Variants in ZFR observed in about 807,000 individuals in gnomAD.
ZFR encodes the protein zinc finger RNA-binding protein.
ZFR carries 19 observed loss-of-function variants against 130.7 expected under a neutral mutation model. That is an observed-to-expected ratio of 0.15 (90% CI 0.10 to 0.21). The LOEUF is 0.21. Ranked by LOEUF, ZFR falls within the 10% of genes least tolerant of loss-of-function variation. The pLI is 1.00. For synonymous variants in ZFR, 466 were observed against 456.9 expected, an observed-to-expected ratio of 1.02 and a Z score of -0.25; for missense variants, 872 against 1,321.5, an observed-to-expected ratio of 0.66 and a Z score of 5.27.
chr5:32,422,692 C>T (rs180693529), intron 2 of ZFR, among the ~76,000 whole-genome samples: 1 of 145,392 alleles, frequency 6.9e-6, no homozygotes, highest in East Asian at 2.1e-4. Context: ...CCCAGCTAGT[C>T]AGGAGGCTGA....
Position 32,388,498 on chromosome 5 carries a change from T to G in ZFR, c.2319A>C (p.Gly773=), listed in dbSNP as rs769755316. Residue 773 remains glycine (G), a synonymous_variant, in exon 13 of 20, where the codon GGA becomes GGC. Coordinates refer to ENST00000265069, the MANE Select transcript of ZFR (RefSeq NM_016107.5). The part of the protein sequence containing the change: ...SEHEKNKNKE[G]DDKKEGGKDR... ...CTTTACCTCCCTCTTTCTTATCATC[T>G]CCCTCTTTGTTCTTGTTCTTCTCAT... The G allele has an allele frequency of 8.1e-6, 13 of 1,613,842 alleles. No homozygotes were observed. In the Admixed American group the frequency reaches 2.2e-4, roughly 27 times the overall value.
At chr5:32,372,602 G>C (rs1189929357) in intron 17 of ZFR, among the ~76,000 whole-genome samples, 1 of 152,028 alleles carries the variant, frequency 6.6e-6, no homozygotes, top group Non-Finnish European at 1.5e-5. Context: ...GGAGGCCGAG[G>C]GGAGCAGATC....
intron 15 of ZFR, among the ~76,000 whole-genome samples, chr5:32,383,436 G>A (rs939073370): frequency 4.6e-5 from 7 of 152,256 alleles, no homozygotes; most frequent in African/African-American, 1.7e-4. Context: ...AGAGCATTCT[G>A]AACATTTCAA....
chr5:32,416,684 C>T lies in ZFR; in HGVS notation c.565+964G>A, dbSNP rs528998121. Reference sequence around the variant, plus strand: ...CACTATAATTCAAAACATGTTAAAACCACTTTTAAGGGACTCATAAAATCT... The same window carrying T: ...CACTATAATTCAAAACATGTTAAAATCACTTTTAAGGGACTCATAAAATCT... On this transcript the variant is annotated intron_variant, in intron 4 of 19. Coordinates refer to ENST00000265069, the MANE Select transcript of ZFR (RefSeq NM_016107.5). 4.0e-5 allele frequency among the ~76,000 whole-genome samples: 6 copies of T among 150,760 alleles called. No homozygotes were observed. The South Asian group carries it at 1.3e-3, about 32-fold the overall frequency.
chr5:32,356,481 T>C (rs1310676763), intron 19 of ZFR, among the ~76,000 whole-genome samples: 1 of 151,600 alleles, frequency 6.6e-6, no homozygotes, highest in Non-Finnish European at 1.5e-5. Context: ...GGTGCGAGCT[T>C]GGCTCACTGC....
At chr5:32,381,488 T>C (rs1752936336) in intron 15 of ZFR, among the ~76,000 whole-genome samples, 1 of 152,080 alleles carries the variant, frequency 6.6e-6, no homozygotes, top group African/African-American at 2.4e-5. Context: ...ATGGGGCATT[T>C]AGAATACAGT....
At chr5:32,369,923 C>T (rs1016443176) in intron 17 of ZFR, among the ~76,000 whole-genome samples, 1 of 152,082 alleles carries the variant, frequency 6.6e-6, no homozygotes, top group African/African-American at 2.4e-5. Context: ...AACCCCCTTA[C>T]CCATTAAGCA....
At chr5:32,382,199 T>G (rs950143714) in intron 15 of ZFR, among the ~76,000 whole-genome samples, 2 of 152,004 alleles carry the variant, frequency 1.3e-5, no homozygotes, top group Non-Finnish European at 2.9e-5. Flanking sequence ...GCTCCTCAGC[T>G]ACTTGGGAGG....
Position 32,444,732 on chromosome 5 carries a change from G to T in ZFR, c.-74C>A. The T allele has an allele frequency of 1.3e-6, 2 of 1,485,266 alleles. No individual in the cohort carries two copies. The highest frequency in any genetic ancestry group is 1.8e-6 in the Non-Finnish European group (2 of 1,117,936). 92.0% of individuals were successfully genotyped at this position (1,485,266 alleles called of 1,614,324 possible). ...CTCCTCTGCCCCGCTCCTCCTCAGC[G>T]GAGAACAGACCGCCGCCTCCGACCG... On this transcript the variant is annotated 5_prime_UTR_variant, in exon 1 of 20. Coordinates refer to ENST00000265069, the MANE Select transcript of ZFR (RefSeq NM_016107.5).
chr5:32,437,870 A>G (rs1754376056), intron 2 of ZFR, among the ~76,000 whole-genome samples: 1 of 152,162 alleles, frequency 6.6e-6, no homozygotes, highest in South Asian at 2.1e-4. Flanking sequence ...TTGGTATCTG[A>G]TATTACAAGT....
intron 11 of ZFR, among the ~76,000 whole-genome samples, chr5:32,393,005 T>C (rs1037628707): frequency 7.2e-5 from 11 of 152,118 alleles, no homozygotes; most frequent in African/African-American, 2.6e-4. Flanking sequence ...AAAAAAAAAA[T>C]TATTTTCATA....
At chr5:32,369,416 A>G (rs1752612321) in intron 17 of ZFR, among the ~76,000 whole-genome samples, 1 of 151,900 alleles carries the variant, frequency 6.6e-6, no homozygotes, top group Non-Finnish European at 1.5e-5. Flanking sequence ...TTGGGCAGGA[A>G]GAATAATTAT....
In ZFR at chr5:32,390,340, G is replaced by T. The variant is rs1000007444; in HGVS notation, c.2077C>A (p.Pro693Thr). Residue 693 changes from proline (P) to threonine (T), a missense_variant, in exon 12 of 20, where the codon CCT becomes ACT. Coordinates refer to ENST00000265069, the MANE Select transcript of ZFR (RefSeq NM_016107.5). ...CCCAGAAGGCCTAATGGGCCTGGAG[G>T]ACCATGAGGATAACCTCCATCTGGC... is the stretch of plus-strand genomic sequence containing the variant. Reference protein sequence around the residue: ...RMPDGGYPHGPPGPLGLLGVR... With the variant: ...RMPDGGYPHGTPGPLGLLGVR... The T allele has an allele frequency of 6.2e-7, 1 of 1,614,056 alleles. No homozygotes were observed. The highest frequency in any genetic ancestry group is 8.5e-7 in the Non-Finnish European group (1 of 1,180,028).
intron 5 of ZFR, 35 bp from the exon 6 acceptor site, chr5:32,407,056 A>G: frequency 2.8e-6 from 4 of 1,423,682 alleles, no homozygotes; most frequent in Non-Finnish European, 3.7e-6. Context: ...ATTATGTTAC[A>G]TACTTATAGA....
At chr5:32,382,289 T>G (rs1752950369) in intron 15 of ZFR, among the ~76,000 whole-genome samples, 1 of 152,086 alleles carries the variant, frequency 6.6e-6, no homozygotes, top group Non-Finnish European at 1.5e-5. Flanking sequence ...CCAGCCTGGG[T>G]GACAGAGTGA....
intron 5 of ZFR, among the ~76,000 whole-genome samples, chr5:32,413,192 CAAAA>C (rs11409467): frequency 6.7e-6 from 1 of 149,406 alleles, no homozygotes; most frequent in East Asian, 2.0e-4. Context: ...CTTTTAATCT[CAAAA>C]AAAACAAAAC....
chr5:32,369,686 C>T (rs1216959315), intron 17 of ZFR, among the ~76,000 whole-genome samples: 1 of 151,960 alleles, frequency 6.6e-6, no homozygotes, highest in Non-Finnish European at 1.5e-5. Context: ...GTAGCATGCA[C>T]CTACAGTCCT....
At chr5:32,382,274 G>A (rs553774188) in intron 15 of ZFR, among the ~76,000 whole-genome samples, 2 of 152,214 alleles carry the variant, frequency 1.3e-5, no homozygotes, top group South Asian at 4.1e-4. Flanking sequence ...TTGTGCTGCT[G>A]CACTCCAGCC....
At chr5:32,440,613 C>T (rs1439316543) in intron 2 of ZFR, among the ~76,000 whole-genome samples, 1 of 151,364 alleles carries the variant, frequency 6.6e-6, no homozygotes, top group East Asian at 1.9e-4. Flanking sequence ...TGCCATTGCA[C>T]TCCAGCCTGG....
Sources: allele counts gnomAD v4.1 joint callset (sites outside exome capture counted in the v4.1 genomes callset), GRCh38; gene constraint gnomAD v4.1.1; transcripts MANE v1.5; gene names NCBI Gene and HGNC (gene_info 2026-07-23, HGNC 2026-07-21).